The following OR4B1 variants were observed in gnomAD, a reference collection of about 807,000 sequenced individuals.
OR4B1 encodes the protein olfactory receptor family 4 subfamily B member 1, also known as olfactory receptor 4B1.
For synonymous variants in OR4B1, 196 were observed against 141.2 expected (o/e 1.39, Z -2.75); for missense variants, 520 against 370.7 (o/e 1.40, Z -3.31).
rs1205154071 is a variant in OR4B1, at chr11:48,217,277, T to G, written c.468T>G (p.Ile156Met). Residue 156 changes from isoleucine (I) to methionine (M), a missense_variant, in exon 1 of 1, where the codon ATT becomes ATG. Transcript: ENST00000309562. ...TGGGGGGCTTTTGTCACTCCATAAT[T>G]CAGATTCTCGTTATCATCCAATTGC... is the stretch of plus-strand genomic sequence containing the variant. ...SWLGGFCHSIIQILVIIQLPF... is the reference protein window; with the variant it reads ...SWLGGFCHSIMQILVIIQLPF... 1 of 1,614,168 alleles carries G rather than the reference T, an allele frequency of 6.2e-7. No individual in the cohort carries two copies.
rs1719419645 is a variant in OR4B1 at position 48,217,674 on chromosome 11, A to G, written c.865A>G (p.Asn289Asp). The G allele has an allele frequency of 6.2e-7, 1 of 1,606,300 alleles. No individual in the cohort carries two copies. ...MLNPIIYTLRNAEVKIAIRRL... is the reference protein window; with the variant it reads ...MLNPIIYTLRDAEVKIAIRRL... The stretch of plus-strand genomic sequence containing the variant: ...GAACCCCATCATTTACACACTCAGG[A>G]ATGCAGAGGTGAAAATCGCCATAAG... The change falls in exon 1 of 1, where the codon AAT becomes GAT. Residue 289 changes from asparagine to aspartate, a missense_variant. Asn to Asp is a conservative substitution (Grantham distance 23, BLOSUM62 1). Coordinates refer to ENST00000309562, the MANE Select transcript of OR4B1 (RefSeq NM_001005470.1).
In OR4B1 at chr11:48,216,832, C is replaced by T; in HGVS notation, c.23C>T (p.Thr8Ile). Residue 8 changes from threonine (T) to isoleucine (I), a missense_variant, in exon 1 of 1, where the codon ACT becomes ATT. Transcript: ENST00000309562. The stretch of plus-strand genomic sequence containing the variant: ...TCCATGGCCAGTACAAGTAATGTGA[C>T]TGAGTTGATTTTCACTGGCCTTTTC... MASTSNVTELIFTGLFQD... is the reference protein window; with the variant it reads MASTSNVIELIFTGLFQD... 5 of 1,613,736 alleles carry T rather than the reference C, an allele frequency of 3.1e-6. No individual in the cohort carries two copies. The highest frequency in any genetic ancestry group is 4.2e-6 in the Non-Finnish European group (5 of 1,179,784).
At position 48,217,387 on chromosome 11, in the gene OR4B1, A is replaced by AG; in HGVS notation, c.583dup (p.Val195GlyfsTer71). The AG allele has an allele frequency of 1.2e-6, 2 of 1,613,932 alleles. No individual in the cohort carries two copies. The highest frequency in any genetic ancestry group is 2.2e-5 in the East Asian group (1 of 44,866). On this transcript the variant is annotated frameshift_variant, in exon 1 of 1. Coordinates refer to ENST00000309562, the MANE Select transcript of OR4B1 (RefSeq NM_001005470.1). LOFTEE classifies it low-confidence loss of function (END_TRUNC). Reference sequence around the variant, plus strand: ...CTTGCCTGCACTGACACCTTCATGGAGGGGGTTATTGTGTTGGCCAACAGT... The same window carrying AG: ...CTTGCCTGCACTGACACCTTCATGGAGGGGGGTTATTGTGTTGGCCAACAGT...
chr11:48,217,464 A>T lies in OR4B1; in HGVS notation c.655A>T (p.Ile219Phe). The change falls in exon 1 of 1, where the codon ATT (isoleucine) becomes TTT (phenylalanine). Residue 219 changes from isoleucine to phenylalanine, a missense_variant. Physicochemically the swap from Ile to Phe is conservative, Grantham distance 21. Transcript: ENST00000309562. ...FLILVSSYIV[I>F]LVNLRNHSAE... ...CATCTTGGTGTCCTCTTATATTGTC[A>T]TTCTGGTCAACTTGAGGAACCATTC... is the stretch of plus-strand genomic sequence containing the variant. 1.2e-6 allele frequency: 2 copies of T among 1,614,044 alleles called. No individual in the cohort carries two copies. The highest frequency in any genetic ancestry group is 1.7e-4 in the Middle Eastern group (1 of 6,060).
At position 48,216,892 on chromosome 11, in the gene OR4B1, T is replaced by C; in HGVS notation, c.83T>C (p.Val28Ala). The C allele has an allele frequency of 1.9e-6, 3 of 1,613,972 alleles. No homozygotes were observed. The highest frequency in any genetic ancestry group is 1.7e-6 in the Non-Finnish European group (2 of 1,179,932). ...DPAVQSVCFV[V>A]FLPVYLATVV... is the part of the protein sequence containing the mutation. ...GCTGTGCAGAGTGTATGCTTTGTGG[T>C]GTTTCTCCCCGTGTACCTTGCCACG... Residue 28 changes from valine to alanine, a missense_variant, in exon 1 of 1, where the codon GTG becomes GCG. Val to Ala is a moderately conservative substitution (Grantham distance 64). Transcript: ENST00000309562.
At position 48,217,486 on chromosome 11, in the gene OR4B1, A is replaced by T. The variant is rs769537543; in HGVS notation, c.677A>T (p.His226Leu). The change falls in exon 1 of 1, where the codon CAT (histidine) becomes CTT (leucine). Residue 226 changes from histidine to leucine, a missense_variant. Coordinates refer to ENST00000309562, the MANE Select transcript of OR4B1 (RefSeq NM_001005470.1). ...GTCATTCTGGTCAACTTGAGGAACC[A>T]TTCTGCAGAGGGGAGGCACAAAGCC... is the stretch of plus-strand genomic sequence containing the variant. ...YIVILVNLRN[H>L]SAEGRHKALS... 1.9e-6 allele frequency: 3 copies of T among 1,614,114 alleles called. No individual in the cohort carries two copies. In the South Asian group the frequency reaches 3.3e-5, roughly 18 times the overall value.
rs149831511 is a variant in OR4B1, at chr11:48,217,477, T to C, written c.668T>C (p.Leu223Ser). 1 of 1,614,042 alleles carries C rather than the reference T, an allele frequency of 6.2e-7. No homozygotes were observed. Among genetic ancestry groups the C allele is most frequent in the African/African-American group, 1.3e-5 (1 of 74,930 alleles). The change falls in exon 1 of 1, where the codon TTG becomes TCG. Residue 223 changes from leucine to serine, a missense_variant. Transcript: ENST00000309562. ...TCTTATATTGTCATTCTGGTCAACT[T>C]GAGGAACCATTCTGCAGAGGGGAGG... ...VSSYIVILVN[L>S]RNHSAEGRHK...
rs768798192 is a variant in OR4B1 at position 48,217,643 on chromosome 11, C to T, written c.834C>T (p.Pro278=). The T allele has an allele frequency of 6.2e-7, 1 of 1,610,510 alleles. No homozygotes were observed. The highest frequency in any genetic ancestry group is 8.5e-7 in the Non-Finnish European group (1 of 1,180,002). ...CTGTATTCTACACGGTCATCACCCC[C>T]ATGCTGAACCCCATCATTTACACAC... The part of the protein sequence containing the change: ...LVAVFYTVIT[P]MLNPIIYTLR... The change falls in exon 1 of 1, where the codon CCC becomes CCT. Residue 278 remains proline (P), a synonymous_variant. Coordinates refer to ENST00000309562, the MANE Select transcript of OR4B1 (RefSeq NM_001005470.1).
chr11:48,217,552 T>G lies in OR4B1; in HGVS notation c.743T>G (p.Phe248Cys), dbSNP rs201282642. 4.5e-5 allele frequency: 72 copies of G among 1,614,192 alleles called. No homozygotes were observed. In the East Asian group the frequency reaches 1.5e-3, roughly 34 times the overall value. Residue 248 changes from phenylalanine (F) to cysteine (C), a missense_variant, in exon 1 of 1, where the codon TTT becomes TGT. Coordinates refer to ENST00000309562, the MANE Select transcript of OR4B1 (RefSeq NM_001005470.1). ...TCTCACATCACAGTGGTCATCTTGT[T>G]TTTTGGACCTGCTATCTTCCTCTAC... ...CASHITVVILFFGPAIFLYMR... is the reference protein window; with the variant it reads ...CASHITVVILCFGPAIFLYMR...
At position 48,216,885 on chromosome 11, in the gene OR4B1, T is replaced by C; in HGVS notation, c.76T>C (p.Phe26Leu). Residue 26 changes from phenylalanine to leucine, a missense_variant, in exon 1 of 1, where the codon TTT becomes CTT. By Grantham distance (22) the Phe-to-Leu change is conservative. Transcript: ENST00000309562. ...FQDPAVQSVC[F>L]VVFLPVYLAT... ...GGATCCAGCTGTGCAGAGTGTATGC[T>C]TTGTGGTGTTTCTCCCCGTGTACCT... 1 of 1,614,024 alleles carries C rather than the reference T, an allele frequency of 6.2e-7. No homozygotes were observed. Among genetic ancestry groups the C allele is most frequent in the South Asian group, 1.1e-5 (1 of 91,074 alleles).
rs185458849 is a variant in OR4B1 at position 48,217,581 on chromosome 11, C to G, written c.772C>G (p.Arg258Gly). The G allele has an allele frequency of 6.2e-7, 1 of 1,614,078 alleles. No individual in the cohort carries two copies. The highest frequency in any genetic ancestry group is 1.1e-5 in the South Asian group (1 of 91,076). ...FFGPAIFLYMRPSSTFTEDKL... is the reference protein window; with the variant it reads ...FFGPAIFLYMGPSSTFTEDKL... ...TGGACCTGCTATCTTCCTCTACATG[C>G]GACCTTCTTCCACTTTCACTGAAGA... The change falls in exon 1 of 1, where the codon CGA becomes GGA. Residue 258 changes from arginine (R) to glycine (G), a missense_variant. By Grantham distance (125) the Arg-to-Gly change is moderately radical (BLOSUM62 -2). Coordinates refer to ENST00000309562, the MANE Select transcript of OR4B1 (RefSeq NM_001005470.1).
Sources: allele counts gnomAD v4.1 joint callset, GRCh38; gene constraint gnomAD v4.1.1; transcripts MANE v1.5; gene names NCBI Gene and HGNC (gene_info 2026-07-23, HGNC 2026-07-21).